NEK1: variants seen among roughly 807,000 people sequenced by gnomAD.
NEK1 encodes the protein NIMA related kinase 1.
NEK1 carries 137 observed loss-of-function variants against 182.1 expected under a neutral mutation model. The observed-to-expected ratio is 0.75, with a 90% CI of 0.65 to 0.87. NEK1 has a LOEUF of 0.87. NEK1 is among the 40% of genes least tolerant of loss of function. The pLI is 0.00. For missense variants in NEK1, 1,391 were observed against 1,494.4 expected, an observed-to-expected ratio of 0.93 and a Z score of 1.14; for synonymous variants, 513 against 492.2, an observed-to-expected ratio of 1.04 and a Z score of -0.56.
At chr4:169,478,338 C>T (rs1367093016) in intron 24 of NEK1, 1 of 151,844 alleles carries the variant, frequency 6.6e-6, no homozygotes, top group Non-Finnish European at 1.5e-5. Flanking sequence ...AGCAATGAGA[C>T]AAAGAACATT....
At chr4:169,476,388 C>T (rs72973071) in intron 26 of NEK1, among the ~76,000 whole-genome samples, 29,452 of 151,908 alleles carry the variant, frequency 0.19, 4,288 homozygotes, top group African/African-American at 0.41. Flanking sequence ...CTTAAGCTCC[C>T]TAAGGGGAGG....
At chr4:169,582,636 A>T (rs1398605185) in intron 10 of NEK1, among the ~76,000 whole-genome samples, 1 of 152,048 alleles carries the variant, frequency 6.6e-6, no homozygotes, top group African/African-American at 2.4e-5. Context: ...ACTGTTGGAG[A>T]AGTCTTTGTT....
chr4:169,474,993 T>C (rs1746683126), intron 26 of NEK1, among the ~76,000 whole-genome samples: 2 of 152,062 alleles, frequency 1.3e-5, no homozygotes, highest in Non-Finnish European at 2.9e-5. Flanking sequence ...CAAGACATTG[T>C]ACAACAGGTA....
intron 19 of NEK1, among the ~76,000 whole-genome samples, chr4:169,532,602 C>T (rs1470828892): frequency 6.6e-6 from 1 of 151,966 alleles, no homozygotes; most frequent in East Asian, 1.9e-4. Context: ...TGTACTTTTC[C>T]ACTCAATTTT....
In NEK1 at chr4:169,424,321, G is replaced by A. The variant is rs147655331; in HGVS notation, c.3222+232C>T. On this transcript the variant is annotated intron_variant, in intron 31 of 35. Coordinates refer to ENST00000507142, the MANE Select transcript of NEK1 (RefSeq NM_001199397.3). The stretch of plus-strand genomic sequence containing the variant: ...ATGAGGGTATATAAAGGGACTTTTT[G>A]CTCAAGTAAAAGACTCTATAAAAAA... 8.8e-4 allele frequency among the ~76,000 whole-genome samples: 134 copies of A among 152,162 alleles called. No individual in the cohort carries two copies. In the East Asian group the frequency reaches 0.023, roughly 26 times the overall value.
intron 19 of NEK1, among the ~76,000 whole-genome samples, chr4:169,515,571 A>G (rs1395660229): frequency 7.0e-6 from 1 of 142,388 alleles, no homozygotes; most frequent in African/African-American, 2.6e-5. Context: ...TTACATATGT[A>G]TACATGTGCC....
chr4:169,576,985 AT>A lies in NEK1; in HGVS notation c.962del (p.Tyr321LeufsTer29). 1 of 1,612,906 alleles carries A rather than the reference AT, an allele frequency of 6.2e-7. No homozygotes were observed. Among genetic ancestry groups the A allele is most frequent in the Non-Finnish European group, 8.5e-7 (1 of 1,179,262 alleles). The part of the protein sequence containing the change: ...PAAKYGIPLA[Y>X]KKYGDKKLHE... Reference sequence around the variant, plus strand: ...GTAATTTTTTATCTCCATATTTCTTATATGCTAAAGGTATTCCATATTTAGC... The same window carrying A: ...GTAATTTTTTATCTCCATATTTCTTAATGCTAAAGGTATTCCATATTTAGC... On this transcript the variant is annotated frameshift_variant, in exon 12 of 36. Coordinates refer to ENST00000507142, the MANE Select transcript of NEK1 (RefSeq NM_001199397.3). LOFTEE classifies it high-confidence loss of function.
chr4:169,580,413 C>T (rs973728268), intron 11 of NEK1, among the ~76,000 whole-genome samples: 2 of 145,348 alleles, frequency 1.4e-5, no homozygotes, highest in African/African-American at 5.1e-5. Context: ...AAGAGAATCA[C>T]TTGAACCTGG....
intron 27 of NEK1, among the ~76,000 whole-genome samples, chr4:169,451,505 T>C (rs9760732): frequency 0.073 from 11,170 of 152,102 alleles, 1,340 homozygotes; most frequent in African/African-American, 0.25. Flanking sequence ...CACAACTACA[T>C]AGAAACTGAA....
Position 169,507,763 on chromosome 4 carries a change from T to C in NEK1, c.1863A>G (p.Glu621=). The C allele has an allele frequency of 6.2e-7, 1 of 1,613,186 alleles. No homozygotes were observed. ...GCCTCATGTCAGCCTCTTCACTTCCTTCTTGTCCTTCAGAATGATTAGCTT... is the reference window on the plus strand; with the variant it reads ...GCCTCATGTCAGCCTCTTCACTTCCCTCTTGTCCTTCAGAATGATTAGCTT... ...KKEANHSEGQ[E]GSEEADMRRK... The change falls in exon 22 of 36, where the codon GAA becomes GAG. Residue 621 remains glutamate, a synonymous_variant. Coordinates refer to ENST00000507142, the MANE Select transcript of NEK1 (RefSeq NM_001199397.3).
In NEK1 at chr4:169,394,516, A is replaced by T; in HGVS notation, c.3855T>A (p.Asp1285Glu). 7.1e-7 allele frequency: 1 copy of T among 1,412,756 alleles called. No homozygotes were observed. The highest frequency in any genetic ancestry group is 1.3e-5 in the South Asian group (1 of 76,154). 87.5% of individuals were successfully genotyped at this position (1,412,756 alleles called of 1,614,324 possible). The change falls in exon 36 of 36, where the codon GAT becomes GAA. Residue 1285 changes from aspartate to glutamate, a missense_variant. Physicochemically the swap from Asp to Glu is conservative, Grantham distance 45. Around this residue, in one of 5 missense-constraint regions of NEK1, gnomAD observed 1,216 missense variants for 1,277.6 expected, o/e 0.95. Coordinates refer to ENST00000507142, the MANE Select transcript of NEK1 (RefSeq NM_001199397.3). ...MADGAYQEDN[D>E]E ...TTAAAAAACATTTTGAGGATTATTC[A>T]TCATTATCTGTAGAAAAAAGAAAAA... is the stretch of plus-strand genomic sequence containing the variant.
At chr4:169,583,199 G>A (rs1339216687) in intron 10 of NEK1, among the ~76,000 whole-genome samples, 1 of 151,186 alleles carries the variant, frequency 6.6e-6, no homozygotes, top group African/African-American at 2.4e-5. Flanking sequence ...CTCCAGAGGT[G>A]GAGGTTGCAG....
At chr4:169,512,638 T>C (rs934669422) in intron 19 of NEK1, among the ~76,000 whole-genome samples, 4 of 152,092 alleles carry the variant, frequency 2.6e-5, no homozygotes, top group Admixed American at 6.6e-5. Flanking sequence ...CAGCTTTTCC[T>C]TTTTTGGATT....
chr4:169,606,866 G>GA (rs1305149866), intron 2 of NEK1, among the ~76,000 whole-genome samples: 2 of 152,284 alleles, frequency 1.3e-5, no homozygotes, highest in Admixed American at 1.3e-4. Context: ...TATAATCACC[G>GA]AAAGGTGGAA....
At chr4:169,606,436 T>A (rs1771348527) in intron 2 of NEK1, among the ~76,000 whole-genome samples, 1 of 151,954 alleles carries the variant, frequency 6.6e-6, no homozygotes, top group South Asian at 2.1e-4. Context: ...AAGCTGTACC[T>A]TAAGCCAGCA....
At chr4:169,511,398 G>T (rs1413328696) in intron 19 of NEK1, among the ~76,000 whole-genome samples, 1 of 152,086 alleles carries the variant, frequency 6.6e-6, no homozygotes, top group Non-Finnish European at 1.5e-5. Context: ...CAAAGTTAAG[G>T]GGAGTGGGTG....
Position 169,585,331 on chromosome 4 carries a change from A to T in NEK1, c.807+18T>A. The T allele has an allele frequency of 1.1e-5, 18 of 1,599,324 alleles. No homozygotes were observed. The highest frequency in any genetic ancestry group is 1.5e-5 in the Non-Finnish European group (18 of 1,169,002). On this transcript the variant is annotated intron_variant, in intron 10 of 35. Coordinates refer to ENST00000507142, the MANE Select transcript of NEK1 (RefSeq NM_001199397.3). ...CAACATAACCCTACTGTTTAATTTT[A>T]AAGGAAAAAGAACTTACCTGAGGAG...
chr4:169,545,050 ATTCT>A (rs1211620970), intron 18 of NEK1, among the ~76,000 whole-genome samples: 3 of 108,440 alleles, frequency 2.8e-5, no homozygotes, highest in Admixed American at 1.1e-4. Flanking sequence ...TGCTTCTCTG[ATTCT>A]TTTTTTTTTT....
intron 10 of NEK1, among the ~76,000 whole-genome samples, chr4:169,582,418 T>C (rs1330803398): frequency 1.3e-5 from 2 of 152,298 alleles, no homozygotes; most frequent in Middle Eastern, 3.4e-3. Flanking sequence ...CAATGCCCTC[T>C]AGGTGATTCT....
Sources: gnomAD v4.1 joint callset for allele counts (sites outside exome capture counted in the v4.1 genomes callset) on GRCh38, gnomAD v4.1.1 for gene constraint, gnomAD v4.1.1 regional missense constraint, MANE v1.5 for transcripts, NCBI Gene and HGNC (gene_info 2026-07-23, HGNC 2026-07-21) for gene names.